The following SNED1 variants were observed in gnomAD, a reference collection of about 807,000 sequenced individuals.
SNED1 encodes the protein sushi, nidogen and EGF-like domain-containing protein 1.
Under a neutral mutation model 166.7 loss-of-function variants are expected in SNED1, and 81 were observed. The observed-to-expected ratio is 0.49, with a 90% CI of 0.41 to 0.58. The LOEUF (loss-of-function observed/expected upper bound fraction) is 0.58, where lower values mean the gene tolerates loss of function less well. SNED1 is among the 20% of genes least tolerant of loss of function. SNED1 has a pLI of 0.00. For synonymous variants in SNED1, 762 were observed against 822.0 expected (o/e 0.93, Z 1.25); for missense variants, 1,604 against 2,000.2 (o/e 0.80, Z 3.78).
intron 1 of SNED1, among the ~76,000 whole-genome samples, chr2:241,012,429 TC>T (rs2060439937): frequency 1.3e-5 from 2 of 152,292 alleles, no homozygotes; most frequent in Middle Eastern, 6.8e-3. Flanking sequence ...GGGCAGCCCC[TC>T]CGGCCTGTGA....
rs1408209441 is a variant in SNED1, at chr2:241,051,594, C to G, written c.1736-150C>G. ...CCCAGCCCCCACCATGTGTGCGGAC[C>G]TGCTTGGCCCCTGCTGCAGCCAGGC... On this transcript the variant is annotated intron_variant, in intron 12 of 31. Coordinates refer to ENST00000310397, the MANE Select transcript of SNED1 (RefSeq NM_001080437.3). The surrounding 1 kb of genome is among the most constrained non-coding windows in gnomAD (Gnocchi z 4.7). 1 of 582,516 alleles carries G rather than the reference C, an allele frequency of 1.7e-6. No individual in the cohort carries two copies. The highest frequency in any genetic ancestry group is 2.9e-6 in the Non-Finnish European group (1 of 342,896). 36.1% of individuals were successfully genotyped at this position (582,516 alleles called of 1,614,324 possible).
chr2:241,056,536 GA>G (rs897948520), intron 16 of SNED1, among the ~76,000 whole-genome samples: 1 of 143,836 alleles, frequency 7.0e-6, no homozygotes, highest in East Asian at 2.1e-4. Context: ...AGATCAGAGA[GA>G]AAAAATAATT....
chr2:241,081,562 AGAG>A (rs2063330420), intron 27 of SNED1, 112 bp from the exon 28 acceptor site: 3 of 755,378 alleles, frequency 4.0e-6, no homozygotes, highest in Admixed American at 4.2e-5. Flanking sequence ...AGCACACCAC[AGAG>A]GAGTGCACGG....
intron 5 of SNED1, 70 bp from the exon 6 acceptor site, chr2:241,037,170 C>A: frequency 7.4e-7 from 1 of 1,348,386 alleles, no homozygotes; most frequent in Non-Finnish European, 1.0e-6. Flanking sequence ...CCCGGCCCAA[C>A]CCGAGCCCTT....
At chr2:241,009,210 CTG>C (rs1350761467) in intron 1 of SNED1, among the ~76,000 whole-genome samples, 3 of 152,178 alleles carry the variant, frequency 2.0e-5, no homozygotes, top group Non-Finnish European at 4.4e-5. Flanking sequence ...TGCAGGGTGA[CTG>C]TGAGGAGGCC....
Position 241,051,799 on chromosome 2 carries a change from G to A in SNED1, c.1791G>A (p.Glu597=), listed in dbSNP as rs750103476. The A allele has an allele frequency of 1.3e-6, 2 of 1,560,988 alleles. No homozygotes were observed. The highest frequency in any genetic ancestry group is 1.2e-5 in the South Asian group (1 of 84,332). Reference sequence around the variant, plus strand: ...GCCGGAACGGGGGCACGTGCAAGGAGGCGGGCGGCGAGTACCACTGCAGCT... The same window carrying A: ...GCCGGAACGGGGGCACGTGCAAGGAAGCGGGCGGCGAGTACCACTGCAGCT... The part of the protein sequence containing the change: ...GPCRNGGTCK[E]AGGEYHCSCP... The change falls in exon 13 of 32, where the codon GAG becomes GAA. Residue 597 remains glutamate, a synonymous_variant. Transcript: ENST00000310397. This position sits in a 1 kb window ranked among gnomAD's most constrained non-coding sequence, Gnocchi z 4.7.
At position 241,020,815 on chromosome 2, in the gene SNED1, A is replaced by T. The variant is rs985751104; in HGVS notation, c.214-9469A>T. ...CTCCAGCAGGCTTCCCTTCTCTTGG[A>T]CTCCACACTGTTTCTGCAGAAGGGA... is the stretch of plus-strand genomic sequence containing the variant. On this transcript the variant is annotated intron_variant, in intron 1 of 31. Coordinates refer to ENST00000310397, the MANE Select transcript of SNED1 (RefSeq NM_001080437.3). 2.6e-5 allele frequency among the ~76,000 whole-genome samples: 4 copies of T among 151,326 alleles called. No individual in the cohort carries two copies. In the East Asian group the frequency reaches 7.8e-4, roughly 29 times the overall value.
At position 241,073,258 on chromosome 2, in the gene SNED1, TCTC is replaced by T. The variant is rs771225214; in HGVS notation, c.3818-5_3818-3del. ...TGCGCCGTGTGGTCACCGCCTGGCT[TCTC>T]CTAGAACCCACAGCCTCGGCGCAGC... On this transcript the variant is annotated splice_polypyrimidine_tract_variant and splice_region_variant and intron_variant, in intron 26 of 31. Transcript: ENST00000310397. This position sits in a 1 kb window ranked among gnomAD's most constrained non-coding sequence, Gnocchi z 6.6. The T allele has an allele frequency of 3.5e-5, 54 of 1,551,882 alleles. No individual in the cohort carries two copies. The East Asian group carries it at 3.7e-4, about 11-fold the overall frequency.
At position 240,998,812 on chromosome 2, in the gene SNED1, C is replaced by T. The variant is rs2059991770; in HGVS notation, c.-26C>T. 1.7e-6 allele frequency: 2 copies of T among 1,150,310 alleles called. No homozygotes were observed. Among genetic ancestry groups the T allele is most frequent in the Non-Finnish European group, 2.1e-6 (2 of 933,286 alleles). The allele number at this position is 1,150,310 out of a possible 1,614,324, so 71.3% of individuals were successfully genotyped here. A position where few individuals can be genotyped will look rare whatever the true frequency, so the allele number is the denominator to read the frequency against. ...CCCCCAGCGCCCTGCTCCGCCAGCG[C>T]CCCGTCCCGCCCGCACACCTCCGCG... is the stretch of plus-strand genomic sequence containing the variant. On this transcript the variant is annotated 5_prime_UTR_variant, in exon 1 of 32. Transcript: ENST00000310397.
At chr2:241,084,421 T>C (rs2063481628) in intron 29 of SNED1, among the ~76,000 whole-genome samples, 1 of 152,178 alleles carries the variant, frequency 6.6e-6, no homozygotes, top group African/African-American at 2.4e-5. Context: ...CCCAAAGTGC[T>C]GGGATTACAG....
intron 2 of SNED1, 43 bp from the exon 3 acceptor site, chr2:241,033,692 C>T: frequency 6.3e-7 from 1 of 1,586,018 alleles, no homozygotes; most frequent in East Asian, 2.3e-5. Flanking sequence ...TTCCCTGGGC[C>T]AAGGGGAGTG....
chr2:240,998,959 C>A lies in SNED1; in HGVS notation c.122C>A (p.Ala41Asp). The A allele has an allele frequency of 1.5e-6, 2 of 1,308,938 alleles. No homozygotes were observed. Among genetic ancestry groups the A allele is most frequent in the Non-Finnish European group, 1.9e-6 (2 of 1,026,986 alleles). 81.1% of individuals were successfully genotyped at this position (1,308,938 alleles called of 1,614,324 possible). Residue 41 changes from alanine (A) to aspartate (D), a missense_variant, in exon 1 of 32, where the codon GCC (alanine) becomes GAC (aspartate). Ala to Asp is a moderately radical substitution (Grantham distance 126). This residue lies in a region of SNED1 where 1,237 missense variants were observed against 1,620.8 expected (regional missense o/e 0.76). Transcript: ENST00000310397. ...FYPFGAERGD[A>D]VTPKQDDGGS... is the part of the protein sequence containing the mutation. ...CCGTTCGGCGCCGAGCGCGGCGACG[C>A]CGTCACCCCCAAGCAGGACGACGGC...
chr2:241,016,484 C>G (rs906686685), intron 1 of SNED1, among the ~76,000 whole-genome samples: 3 of 152,114 alleles, frequency 2.0e-5, no homozygotes, highest in African/African-American at 4.8e-5. Context: ...GCGTGAGCCA[C>G]CACGCCCGGC....
At chr2:241,020,136 C>G (rs1416629698) in intron 1 of SNED1, among the ~76,000 whole-genome samples, 1 of 152,248 alleles carries the variant, frequency 6.6e-6, no homozygotes, top group Non-Finnish European at 1.5e-5. Context: ...GCAACAGAGA[C>G]CACGTGTGGT....
intron 8 of SNED1, among the ~76,000 whole-genome samples, chr2:241,047,893 T>C (rs760837946): frequency 7.9e-5 from 12 of 151,570 alleles, no homozygotes; most frequent in Admixed American, 2.0e-4. Context: ...TGTCCAATCC[T>C]GGGTGGTCTC....
At position 241,030,391 on chromosome 2, in the gene SNED1, T is replaced by C. The variant is rs2061130111; in HGVS notation, c.321T>C (p.Asp107=). 6.2e-7 allele frequency: 1 copy of C among 1,612,978 alleles called. No homozygotes were observed. The highest frequency in any genetic ancestry group is 8.5e-7 in the Non-Finnish European group (1 of 1,179,552). The change falls in exon 2 of 32, where the codon GAT becomes GAC. Residue 107 remains aspartate (D), a synonymous_variant. Transcript: ENST00000310397. ...GCGTGGTGGCAGCCTTCTGGGCAGA[T>C]GTGGACAACCGGCGTGCAGGCGACG... The part of the protein sequence containing the change: ...DRCVVAAFWA[D]VDNRRAGDVY...
intron 1 of SNED1, among the ~76,000 whole-genome samples, chr2:241,004,783 C>T (rs1027899607): frequency 2.6e-5 from 4 of 152,196 alleles, no homozygotes; most frequent in East Asian, 1.9e-4. Flanking sequence ...AGTGCAGTGG[C>T]GTGATCTCGG....
Position 241,065,445 on chromosome 2 carries a change from C to T in SNED1, c.2860C>T (p.Arg954Cys), listed in dbSNP as rs367564091. The T allele has an allele frequency of 9.9e-6, 16 of 1,613,078 alleles. No individual in the cohort carries two copies. Among genetic ancestry groups the T allele is most frequent in the East Asian group, 4.5e-5 (2 of 44,884 alleles). The change falls in exon 21 of 32, where the codon CGC becomes TGC. Residue 954 changes from arginine to cysteine, a missense_variant. Physicochemically the swap from Arg to Cys is radical, Grantham distance 180. This residue lies in a region of SNED1 where 1,237 missense variants were observed against 1,620.8 expected (regional missense o/e 0.76). Coordinates refer to ENST00000310397, the MANE Select transcript of SNED1 (RefSeq NM_001080437.3). ...CGTCTCCTCCGACGGCTCCTACCGC[C>T]GCACAGACTTTGTGGACAGGACCCG... The part of the protein sequence containing the change: ...TYVSSDGSYR[R>C]TDFVDRTRSS...
chr2:241,048,699 A>G lies in SNED1; in HGVS notation c.1437A>G (p.Arg479=). The change falls in exon 10 of 32, where the codon AGA becomes AGG. Residue 479 remains arginine, a synonymous_variant. Transcript: ENST00000310397. ...ACTGTGAGTGCCGCAACGGAGGCAG[A>G]TGCCTGGGCGCCAACACCACCCTCT... ...PDDCECRNGG[R]CLGANTTLCQ... 3 of 1,612,844 alleles carry G rather than the reference A, an allele frequency of 1.9e-6. No homozygotes were observed. Among genetic ancestry groups the G allele is most frequent in the Non-Finnish European group, 2.5e-6 (3 of 1,179,484 alleles).
Sources: gnomAD v4.1 joint callset for allele counts (sites outside exome capture counted in the v4.1 genomes callset) on GRCh38, gnomAD v4.1.1 for gene constraint, gnomAD v4.1.1 regional missense constraint, Gnocchi (gnomAD v3.1) non-coding constraint, MANE v1.5 for transcripts, NCBI Gene and HGNC (gene_info 2026-07-23, HGNC 2026-07-21) for gene names.